Variants in RBM33 observed in about 807,000 individuals in gnomAD.
RBM33 encodes RNA binding motif protein 33, also known as RNA-binding protein 33.
In RBM33, 28 loss-of-function variants were observed where a neutral mutation model predicts 132.6. That is an observed-to-expected ratio of 0.21 (90% confidence interval 0.16 to 0.29). RBM33 has a LOEUF of 0.29. RBM33 is among the 10% of genes least tolerant of loss of function. The pLI is 1.00. For missense variants in RBM33, 1,291 were observed against 1,518.5 expected, an observed-to-expected ratio of 0.85 and a Z score of 2.49; for synonymous variants, 634 against 593.0, an observed-to-expected ratio of 1.07 and a Z score of -1.01.
intron 14 of RBM33, among the ~76,000 whole-genome samples, chr7:155,760,834 G>C (rs1802010510): frequency 6.6e-6 from 1 of 152,168 alleles, no homozygotes; most frequent in Non-Finnish European, 1.5e-5. Flanking sequence ...AGAAGACCTT[G>C]TGGAGAAGAT....
At chr7:155,723,715 A>G (rs12154631) in intron 9 of RBM33, among the ~76,000 whole-genome samples, 9,657 of 152,224 alleles carry the variant, frequency 0.063, 456 homozygotes, top group African/African-American at 0.13. Context: ...AGTCCATGCT[A>G]ATTAGTCAAA....
chr7:155,698,256 A>G (rs1382715738), intron 5 of RBM33, among the ~76,000 whole-genome samples: 1 of 151,926 alleles, frequency 6.6e-6, no homozygotes. Context: ...GATCTCAGCT[A>G]CTCGGGAGGC....
At position 155,742,723 on chromosome 7, in the gene RBM33, T is replaced by C. The variant is rs558010021; in HGVS notation, c.2337+617T>C. Among the ~76,000 whole-genome samples the C allele has an allele frequency of 3.3e-5, 5 of 152,366 alleles. No homozygotes were observed. In the South Asian group the frequency reaches 1.0e-3, roughly 32 times the overall value. On this transcript the variant is annotated intron_variant, in intron 13 of 17. Transcript: ENST00000401878. ...TGATATATGTTGTTGCTGTTGTTCCTAATTTTTCAGTAGGCACAGAATGTA... is the reference window on the plus strand; with the variant it reads ...TGATATATGTTGTTGCTGTTGTTCCCAATTTTTCAGTAGGCACAGAATGTA...
chr7:155,646,851 G>GC (rs1362934660), intron 1 of RBM33, among the ~76,000 whole-genome samples: 1 of 152,184 alleles, frequency 6.6e-6, no homozygotes, highest in Non-Finnish European at 1.5e-5. Flanking sequence ...GTTTTACCAT[G>GC]CGTTCCACGT....
intron 14 of RBM33, among the ~76,000 whole-genome samples, chr7:155,756,160 A>G (rs1452608681): frequency 6.6e-6 from 1 of 152,228 alleles, no homozygotes; most frequent in Non-Finnish European, 1.5e-5. Flanking sequence ...TCACCCACAT[A>G]CAACACTTAT....
intron 1 of RBM33, among the ~76,000 whole-genome samples, chr7:155,664,167 A>G (rs1027404128): frequency 6.6e-6 from 1 of 152,178 alleles, no homozygotes; most frequent in Admixed American, 6.5e-5. Context: ...CAAAATAAGC[A>G]GTTAGTATGG....
intron 7 of RBM33, among the ~76,000 whole-genome samples, chr7:155,710,916 T>C (rs1254984278): frequency 2.6e-5 from 4 of 151,864 alleles, no homozygotes; most frequent in Non-Finnish European, 5.9e-5. Context: ...GAATTTTTTT[T>C]TTTTTTTTCA....
chr7:155,665,402 C>T (rs984738943), intron 2 of RBM33, 149 bp downstream of exon 2: 8 of 665,676 alleles, frequency 1.2e-5, no homozygotes, highest in Admixed American at 2.3e-5. Flanking sequence ...TAAAGTGAAG[C>T]TTCTCCATGC....
intron 10 of RBM33, 118 bp downstream of exon 10, chr7:155,737,780 G>A: frequency 2.5e-5 from 30 of 1,200,272 alleles, no homozygotes; most frequent in Non-Finnish European, 3.4e-5. Flanking sequence ...GGAATGCCAG[G>A]TTTTTGTACC....
intron 9 of RBM33, among the ~76,000 whole-genome samples, chr7:155,736,747 T>C (rs1801138569): frequency 6.6e-6 from 1 of 152,254 alleles, no homozygotes; most frequent in Admixed American, 6.5e-5. Flanking sequence ...AGCTGCAGCT[T>C]ACAGTCCTGT....
intron 9 of RBM33, among the ~76,000 whole-genome samples, chr7:155,726,732 T>C (rs1800804022): frequency 6.6e-6 from 1 of 152,244 alleles, no homozygotes; most frequent in African/African-American, 2.4e-5. Flanking sequence ...ATCACATCAG[T>C]AGAACTTCTT....
intron 9 of RBM33, among the ~76,000 whole-genome samples, chr7:155,723,007 A>G (rs901221163): frequency 1.3e-5 from 2 of 152,166 alleles, no homozygotes; most frequent in Non-Finnish European, 2.9e-5. Flanking sequence ...CTTCTTAACA[A>G]TCGTGTTCTT....
At chr7:155,678,739 C>T (rs1024276204) in intron 4 of RBM33, 55 bp downstream of exon 4, 2 of 854,952 alleles carry the variant, frequency 2.3e-6, no homozygotes, top group Non-Finnish European at 3.8e-6. Context: ...TTGATAGGAA[C>T]TGTTATTTAT....
chr7:155,670,165 A>G (rs1201543200), intron 2 of RBM33, among the ~76,000 whole-genome samples: 2 of 152,246 alleles, frequency 1.3e-5, no homozygotes, highest in Non-Finnish European at 2.9e-5. Flanking sequence ...CAAAGAGCTC[A>G]TTGTCTGTAA....
At chr7:155,685,955 A>G (rs926562060) in intron 5 of RBM33, among the ~76,000 whole-genome samples, 2 of 152,220 alleles carry the variant, frequency 1.3e-5, no homozygotes, top group Admixed American at 6.5e-5. Context: ...GAATAATACT[A>G]TGACAGTCTA....
intron 16 of RBM33, among the ~76,000 whole-genome samples, chr7:155,767,952 CTG>C (rs757850536): frequency 5.9e-5 from 9 of 152,214 alleles, no homozygotes; most frequent in African/African-American, 1.9e-4. Flanking sequence ...GGTCCAGTAA[CTG>C]TGTAGCAGTG....
intron 5 of RBM33, among the ~76,000 whole-genome samples, chr7:155,692,729 A>G (rs754216303): frequency 1.3e-5 from 2 of 152,228 alleles, no homozygotes; most frequent in Non-Finnish European, 2.9e-5. Flanking sequence ...GCTTGCAAGT[A>G]GAGTAAAATC....
At chr7:155,724,990 T>TTTTGTGTGTGTGTG (rs71186056) in intron 9 of RBM33, among the ~76,000 whole-genome samples, 4 of 123,288 alleles carry the variant, frequency 3.2e-5, no homozygotes, top group African/African-American at 1.3e-4. Context: ...GTGTACAGGT[T>TTTTGTGTGTGTGTG]TGTGTGTGTG....
rs375361082 is a variant in RBM33, at chr7:155,711,216, C to G, written c.962C>G (p.Pro321Arg). The G allele has an allele frequency of 1.5e-5, 24 of 1,572,682 alleles. No individual in the cohort carries two copies. Among genetic ancestry groups the G allele is most frequent in the Non-Finnish European group, 1.7e-5 (20 of 1,158,762 alleles). Residue 321 changes from proline (P) to arginine (R), a missense_variant, in exon 8 of 18, where the codon CCT becomes CGT. By Grantham distance (103) the Pro-to-Arg change is moderately radical. This residue lies in a region of RBM33 where 146 missense variants were observed against 137.1 expected (regional missense o/e 1.07). Coordinates refer to ENST00000401878, the MANE Select transcript of RBM33 (RefSeq NM_053043.3). ...TQPPVVPQAP[P>R]PPPPPPQQQP... ...ATTCCTCCACAGCCCCAGGCTCCCC[C>G]TCCACCGCCACCGCCGCCTCAGCAG... is the stretch of plus-strand genomic sequence containing the variant.
Sources: gnomAD v4.1 joint callset for allele counts (sites outside exome capture counted in the v4.1 genomes callset) on GRCh38, gnomAD v4.1.1 for gene constraint, gnomAD v4.1.1 regional missense constraint, MANE v1.5 for transcripts, NCBI Gene and HGNC (gene_info 2026-07-23, HGNC 2026-07-21) for gene names.